Variants in ITPR1 observed in about 807,000 individuals in gnomAD.
The protein encoded by ITPR1 is inositol 1,4,5-trisphosphate receptor type 1.
In ITPR1, 96 loss-of-function variants were observed where a neutral mutation model predicts 318.4. The ratio of observed to expected loss-of-function variants is 0.30; its 90% confidence interval spans 0.26 to 0.36. ITPR1 has a LOEUF of 0.36. Ranked by LOEUF, ITPR1 falls within the 10% of genes least tolerant of loss-of-function variation. ITPR1 has a pLI of 1.00. For synonymous variants in ITPR1, 1,312 were observed against 1,289.9 expected, an observed-to-expected ratio of 1.02 and a Z score of -0.37; for missense variants, 2,440 against 3,460.2, an observed-to-expected ratio of 0.71 and a Z score of 7.40.
intron 44 of ITPR1, among the ~76,000 whole-genome samples, chr3:4,745,226 G>A (rs2044016372): frequency 6.7e-6 from 1 of 149,820 alleles, no homozygotes; most frequent in African/African-American, 2.5e-5. Context: ...GGAGCAGACA[G>A]GGTTGTTTTT....
At chr3:4,843,748 G>A (rs193194152) in intron 61 of ITPR1, among the ~76,000 whole-genome samples, 25 of 152,300 alleles carry the variant, frequency 1.6e-4, no homozygotes, top group Admixed American at 3.3e-4. Flanking sequence ...GAGGGTGGGC[G>A]ATGGGATCAC....
chr3:4,712,078 C>T (rs775373153), intron 39 of ITPR1, among the ~76,000 whole-genome samples: 4 of 152,184 alleles, frequency 2.6e-5, no homozygotes, highest in Admixed American at 1.3e-4. Flanking sequence ...TATACTTAGT[C>T]GTCTCTTATA....
chr3:4,628,237 T>C (rs1472612147), intron 5 of ITPR1, among the ~76,000 whole-genome samples: 3 of 152,228 alleles, frequency 2.0e-5, no homozygotes, highest in East Asian at 1.9e-4. Context: ...ACTTCTGTTA[T>C]GTCACCTGTA....
chr3:4,664,995 C>T, intron 16 of ITPR1, 143 bp from the exon 17 acceptor site: 1 of 780,198 alleles, frequency 1.3e-6, no homozygotes, highest in East Asian at 2.6e-5. Flanking sequence ...GGGCTGAATG[C>T]AGTGTTCAGG....
intron 4 of ITPR1, among the ~76,000 whole-genome samples, chr3:4,587,629 AC>A (rs1470836009): frequency 6.6e-6 from 1 of 151,884 alleles, no homozygotes; most frequent in Non-Finnish European, 1.5e-5. Flanking sequence ...GTACTCTCTT[AC>A]CCTTTCAGTC....
At chr3:4,778,026 C>G (rs2046588824) in intron 48 of ITPR1, among the ~76,000 whole-genome samples, 1 of 152,198 alleles carries the variant, frequency 6.6e-6, no homozygotes, top group South Asian at 2.1e-4. Flanking sequence ...CTCTCTATTA[C>G]TCAAACAGCT....
At chr3:4,507,248 G>C (rs759376262) in intron 2 of ITPR1, among the ~76,000 whole-genome samples, 1 of 152,128 alleles carries the variant, frequency 6.6e-6, no homozygotes, top group Non-Finnish European at 1.5e-5. Flanking sequence ...ACATGTGTGA[G>C]AGACTGAGTG....
At chr3:4,831,474 A>C (rs1201653509) in intron 60 of ITPR1, 1 of 162,190 alleles carries the variant, frequency 6.2e-6, no homozygotes, top group East Asian at 1.7e-4. Context: ...GAGTGAAGCA[A>C]AGCAGACTGA....
intron 44 of ITPR1, among the ~76,000 whole-genome samples, chr3:4,744,361 T>G (rs2043925739): frequency 6.6e-6 from 1 of 152,246 alleles, no homozygotes; most frequent in South Asian, 2.1e-4. Flanking sequence ...TTCCTAACTT[T>G]CTTTAGTGAC....
At chr3:4,656,205 G>C (rs991677951) in intron 12 of ITPR1, among the ~76,000 whole-genome samples, 1 of 152,210 alleles carries the variant, frequency 6.6e-6, no homozygotes, top group Admixed American at 6.5e-5. Context: ...ATGTCAGGAC[G>C]CTGCCTCTCA....
intron 4 of ITPR1, among the ~76,000 whole-genome samples, chr3:4,584,250 T>G (rs1200226883): frequency 2.0e-5 from 3 of 152,084 alleles, no homozygotes; most frequent in Non-Finnish European, 4.4e-5. Flanking sequence ...CTCACCCCCT[T>G]CTTGTCCCCC....
At chr3:4,653,931 G>C (rs759500937) in intron 12 of ITPR1, 45 bp downstream of exon 12, 1 of 1,390,180 alleles carries the variant, frequency 7.2e-7, no homozygotes, top group African/African-American at 1.4e-5. Flanking sequence ...GGTAGGGTGC[G>C]GCCAAATGAT....
rs377239231 is a variant in ITPR1 at position 4,733,375 on chromosome 3, A to C, written c.5353+155A>C. ...TTGTTTTGTCTTTGGTCTACCATCA[A>C]ATTGATGCCTAAACATATTTTCCTG... On this transcript the variant is annotated intron_variant, in intron 43 of 61. Transcript: ENST00000649015. Among the ~76,000 whole-genome samples the C allele has an allele frequency of 4.3e-4, 65 of 152,262 alleles. 1 individual carries two copies. The South Asian group carries it at 0.011, about 27-fold the overall frequency.
chr3:4,595,517 A>G (rs1422246273), intron 4 of ITPR1, among the ~76,000 whole-genome samples: 1 of 152,206 alleles, frequency 6.6e-6, no homozygotes. Context: ...TCCACATGAG[A>G]TTTGGGTGGA....
At chr3:4,654,533 G>C (rs1189752107) in intron 12 of ITPR1, among the ~76,000 whole-genome samples, 1 of 152,222 alleles carries the variant, frequency 6.6e-6, no homozygotes, top group Non-Finnish European at 1.5e-5. Flanking sequence ...GGCAGCGGTT[G>C]TGTTACATGG....
intron 39 of ITPR1, among the ~76,000 whole-genome samples, chr3:4,713,367 G>A (rs1433376895): frequency 4.6e-5 from 7 of 152,132 alleles, no homozygotes; most frequent in Non-Finnish European, 8.8e-5. Flanking sequence ...CCATAACCGA[G>A]GTATTTAAAG....
intron 44 of ITPR1, among the ~76,000 whole-genome samples, chr3:4,759,674 T>C (rs2045291415): frequency 6.6e-6 from 1 of 152,162 alleles, no homozygotes; most frequent in Non-Finnish European, 1.5e-5. Context: ...TGTTTTGCCT[T>C]TTGTCTTTTA....
intron 4 of ITPR1, among the ~76,000 whole-genome samples, chr3:4,598,621 TA>T (rs1215204728): frequency 2.0e-5 from 3 of 151,868 alleles, no homozygotes; most frequent in South Asian, 2.1e-4. Context: ...GACCCTGTCT[TA>T]AAAAAAATGC....
At chr3:4,538,496 C>G (rs943510829) in intron 4 of ITPR1, among the ~76,000 whole-genome samples, 4 of 152,188 alleles carry the variant, frequency 2.6e-5, no homozygotes, top group African/African-American at 9.7e-5. Context: ...GGCGATTCCT[C>G]AAAGACCTAG....
Sources: gnomAD v4.1 joint callset for allele counts (sites outside exome capture counted in the v4.1 genomes callset) on GRCh38, gnomAD v4.1.1 for gene constraint, MANE v1.5 for transcripts, NCBI Gene and HGNC (gene_info 2026-07-23, HGNC 2026-07-21) for gene names.